Variants in SHTN1 observed in about 807,000 individuals in gnomAD.
SHTN1 encodes shootin 1, also known as shootin-1.
A neutral mutation model predicts 83.1 loss-of-function variants in SHTN1; 42 were observed. That is an observed-to-expected ratio of 0.51 (90% CI 0.39 to 0.65). The LOEUF (loss-of-function observed/expected upper bound fraction) is 0.65. SHTN1 is among the 30% of genes least tolerant of loss of function. The pLI, the probability that SHTN1 is intolerant of heterozygous loss-of-function variation, is 0.00. For missense variants in SHTN1, 622 were observed against 737.8 expected (o/e 0.84, Z 1.82); for synonymous variants, 224 against 247.7 (o/e 0.90, Z 0.90).
At chr10:116,936,810 T>C (rs964773860) in intron 9 of SHTN1, among the ~76,000 whole-genome samples, 1 of 152,172 alleles carries the variant, frequency 6.6e-6, no homozygotes, top group Non-Finnish European at 1.5e-5. Context: ...TCTCTTTATA[T>C]GTCTCTAAGA....
intron 1 of SHTN1, among the ~76,000 whole-genome samples, chr10:116,999,425 G>A (rs1291431334): frequency 6.6e-6 from 1 of 152,154 alleles, no homozygotes; most frequent in East Asian, 1.9e-4. Context: ...GGAGATAAGA[G>A]AAAAGATCTT....
intron 2 of SHTN1, among the ~76,000 whole-genome samples, chr10:117,043,000 G>T: frequency 6.6e-6 from 1 of 151,982 alleles, no homozygotes; most frequent in Non-Finnish European, 1.5e-5. Context: ...GTAAGAACAG[G>T]TCATTGAAAG....
chr10:117,055,592 G>A (rs974472511), intron 1 of SHTN1, among the ~76,000 whole-genome samples: 4 of 152,088 alleles, frequency 2.6e-5, no homozygotes, highest in African/African-American at 9.7e-5. Context: ...TAAGACCTGG[G>A]TGCAGTGGCT....
chr10:117,076,514 A>G (rs1853156347), intron 1 of SHTN1, among the ~76,000 whole-genome samples: 1 of 152,190 alleles, frequency 6.6e-6, no homozygotes, highest in African/African-American at 2.4e-5. Context: ...TTAAATTATA[A>G]CAGAAATGAT....
chr10:116,927,367 T>C (rs751952056), intron 11 of SHTN1, among the ~76,000 whole-genome samples: 6 of 152,150 alleles, frequency 3.9e-5, no homozygotes, highest in Non-Finnish European at 8.8e-5. Context: ...CGAGACTCGG[T>C]AATTATAAAG....
At chr10:116,992,337 G>A (rs1015973081) in intron 1 of SHTN1, among the ~76,000 whole-genome samples, 10 of 152,150 alleles carry the variant, frequency 6.6e-5, no homozygotes, top group African/African-American at 2.2e-4. Flanking sequence ...ACTCTCTGAG[G>A]AATTAAAAAC....
chr10:116,958,022 G>A (rs1048295974), intron 4 of SHTN1, among the ~76,000 whole-genome samples: 6 of 152,030 alleles, frequency 3.9e-5, no homozygotes, highest in East Asian at 1.9e-4. Flanking sequence ...ATGGCATCAC[G>A]GCACTCCAGC....
At chr10:116,928,912 A>C (rs1848848081) in intron 10 of SHTN1, among the ~76,000 whole-genome samples, 1 of 152,208 alleles carries the variant, frequency 6.6e-6, no homozygotes, top group African/African-American at 2.4e-5. Flanking sequence ...GAAGGCATTC[A>C]GATTTGAACC....
intron 1 of SHTN1, among the ~76,000 whole-genome samples, chr10:117,004,371 G>A (rs1851933442): frequency 6.6e-6 from 1 of 152,162 alleles, no homozygotes; most frequent in African/African-American, 2.4e-5. Context: ...CAGTTACCAA[G>A]CAGTACAGAA....
intron 15 of SHTN1, among the ~76,000 whole-genome samples, chr10:116,906,241 C>G (rs947687168): frequency 6.6e-6 from 1 of 152,186 alleles, no homozygotes; most frequent in African/African-American, 2.4e-5. Context: ...CAAAGAGGTT[C>G]AGTAATTTGC....
chr10:117,005,129 C>CA lies in SHTN1; in HGVS notation c.-51dup, dbSNP rs1440799479. The CA allele has an allele frequency of 1.9e-6, 3 of 1,563,806 alleles. No homozygotes were observed. The South Asian group carries it at 3.5e-5, about 18-fold the overall frequency. On this transcript the variant is annotated 5_prime_UTR_variant, in exon 1 of 17. Coordinates refer to ENST00000355371, the MANE Select transcript of SHTN1 (RefSeq NM_001127211.3). ...AAGGGAAAGAGGGAGCGGCGCGGGG[C>CA]ACACAGGAGGAGGGGGAAGAAAAAG...
chr10:116,898,155 G>A (rs1021080677), intron 16 of SHTN1, among the ~76,000 whole-genome samples: 2 of 151,804 alleles, frequency 1.3e-5, no homozygotes, highest in East Asian at 1.9e-4. Flanking sequence ...TAGTGAAACC[G>A]CGTCTCTACT....
intron 1 of SHTN1, among the ~76,000 whole-genome samples, chr10:117,055,362 C>T (rs945467958): frequency 1.3e-5 from 2 of 152,200 alleles, no homozygotes; most frequent in African/African-American, 4.8e-5. Context: ...GCCACAGTCA[C>T]TTATACTGGC....
chr10:116,904,282 C>T (rs565070680), intron 15 of SHTN1, among the ~76,000 whole-genome samples: 70 of 152,278 alleles, frequency 4.6e-4, no homozygotes, highest in African/African-American at 1.6e-3. Flanking sequence ...TTACTTTCCC[C>T]CCTGGAATTT....
intron 1 of SHTN1, among the ~76,000 whole-genome samples, chr10:117,106,971 T>A (rs1308555559): frequency 6.6e-6 from 1 of 152,184 alleles, no homozygotes; most frequent in African/African-American, 2.4e-5. Context: ...AGTGGACACA[T>A]GTAAAGTGCT....
chr10:117,115,403 G>A (rs1853831947), intron 1 of SHTN1, among the ~76,000 whole-genome samples: 1 of 152,136 alleles, frequency 6.6e-6, no homozygotes. Context: ...AAAAGGTAAT[G>A]GCACCTGTCA....
chr10:117,082,512 GT>G (rs1304827564), intron 1 of SHTN1, among the ~76,000 whole-genome samples: 1 of 151,914 alleles, frequency 6.6e-6, no homozygotes, highest in Non-Finnish European at 1.5e-5. Flanking sequence ...TGTATACTCT[GT>G]TGATTTGGGG....
At chr10:116,973,244 A>G (rs1379000052) in intron 2 of SHTN1, among the ~76,000 whole-genome samples, 3 of 152,188 alleles carry the variant, frequency 2.0e-5, no homozygotes, top group Non-Finnish European at 4.4e-5. Flanking sequence ...AAACCTCAAC[A>G]TTCTAAATTG....
At chr10:117,101,749 T>C (rs540402357) in intron 1 of SHTN1, among the ~76,000 whole-genome samples, 1 of 152,110 alleles carries the variant, frequency 6.6e-6, no homozygotes, top group Non-Finnish European at 1.5e-5. Context: ...TCCCGAACGG[T>C]TGATTCAAAT....
Sources: gnomAD v4.1 joint callset for allele counts (sites outside exome capture counted in the v4.1 genomes callset) on GRCh38, gnomAD v4.1.1 for gene constraint, MANE v1.5 for transcripts, NCBI Gene and HGNC (gene_info 2026-07-23, HGNC 2026-07-21) for gene names.